CPLANE1: variants seen among roughly 807,000 people sequenced by gnomAD.
The protein encoded by CPLANE1 is ciliogenesis and planar polarity effector 1.
Under a neutral mutation model 362.5 loss-of-function variants are expected in CPLANE1, and 263 were observed. The observed-to-expected ratio is 0.73, with a 90% CI of 0.66 to 0.80. The LOEUF is 0.80. CPLANE1 is among the 30% of genes least tolerant of loss of function. CPLANE1 has a pLI of 0.00. For missense variants in CPLANE1, 3,461 were observed against 3,793.4 expected (o/e 0.91, Z 2.30); for synonymous variants, 1,212 against 1,302.6 (o/e 0.93, Z 1.50).
At chr5:37,192,811 G>A (rs563359318) in intron 21 of CPLANE1, among the ~76,000 whole-genome samples, 34 of 145,070 alleles carry the variant, frequency 2.3e-4, no homozygotes, top group East Asian at 6.1e-4. Context: ...AGCCGAGAGC[G>A]TGCCACTACA....
intron 16 of CPLANE1, chr5:37,210,204 G>T (rs1561615194): frequency 1.9e-6 from 3 of 1,541,328 alleles, no homozygotes; most frequent in Non-Finnish European, 2.7e-6. Context: ...TGAAACAAAA[G>T]AGATTTATGC....
At chr5:37,190,975 T>C (rs577767877) in intron 21 of CPLANE1, among the ~76,000 whole-genome samples, 1 of 152,310 alleles carries the variant, frequency 6.6e-6, no homozygotes, top group East Asian at 1.9e-4. Flanking sequence ...GCGTATACTC[T>C]TACTTATTAA....
intron 8 of CPLANE1, among the ~76,000 whole-genome samples, chr5:37,238,600 T>C (rs1042849170): frequency 6.8e-6 from 1 of 147,410 alleles, no homozygotes. Context: ...GTTCAGGTGA[T>C]ACCCCCTAGC....
At chr5:37,085,054 C>T in the CPLANE1 span, 1 of 688,324 alleles carries the variant, frequency 1.5e-6, no homozygotes, top group Non-Finnish European at 2.7e-6. Context: ...CCTAATGCAG[C>T]CATGGCTGGT....
At chr5:37,148,384 A>T (rs1195246018) in intron 42 of CPLANE1, 116 bp from the exon 43 acceptor site, 6 of 625,620 alleles carry the variant, frequency 9.6e-6, no homozygotes, top group Non-Finnish European at 1.6e-5. Context: ...AAAAAATGGG[A>T]TTAAATCCAA....
intron 34 of CPLANE1, among the ~76,000 whole-genome samples, chr5:37,167,550 G>A (rs1261663425): frequency 2.0e-5 from 3 of 152,196 alleles, no homozygotes; most frequent in South Asian, 2.1e-4. Flanking sequence ...AGGTCGAGAC[G>A]GGCTGATCAC....
chr5:37,108,418 C>T lies in CPLANE1; in HGVS notation c.9454G>A (p.Gly3152Arg), dbSNP rs144081297. 1.5e-3 allele frequency: 2,347 copies of T among 1,614,176 alleles called. 4 individuals are homozygous for T. The highest frequency in any genetic ancestry group is 1.8e-3 in the Non-Finnish European group (2,120 of 1,180,014). Residue 3152 changes from glycine to arginine, a missense_variant, in exon 52 of 53, where the codon GGG (glycine) becomes AGG (arginine). Around this residue, in one of 2 missense-constraint regions of CPLANE1, gnomAD observed 81 missense variants for 127.3 expected, o/e 0.64. Coordinates refer to ENST00000651892, the MANE Select transcript of CPLANE1 (RefSeq NM_001384732.1). ...ACCTGCTTGGTTTGAGGTGCAAGCCCAGCACTTCCATGTTTTTTTGTATGC... is the reference window on the plus strand; with the variant it reads ...ACCTGCTTGGTTTGAGGTGCAAGCCTAGCACTTCCATGTTTTTTTGTATGC... Reference protein sequence around the residue: ...LQHTKKHGSAGLAPQTKQVCV... With the variant: ...LQHTKKHGSARLAPQTKQVCV...
At chr5:37,100,737 T>C in the CPLANE1 span, among the ~76,000 whole-genome samples, 2 of 152,338 alleles carry the variant, frequency 1.3e-5, no homozygotes, top group South Asian at 4.1e-4. Context: ...TGATTCCTCC[T>C]ATCCATGAGC....
chr5:37,123,525 A>T (rs1212985793), intron 47 of CPLANE1, among the ~76,000 whole-genome samples: 2 of 152,366 alleles, frequency 1.3e-5, no homozygotes, highest in East Asian at 3.9e-4. Flanking sequence ...CTATAAACCA[A>T]GCAGTTCTTA....
At chr5:37,160,830 C>A (rs1178435009) in intron 38 of CPLANE1, among the ~76,000 whole-genome samples, 5 of 151,844 alleles carry the variant, frequency 3.3e-5, no homozygotes, top group Admixed American at 1.3e-4. Flanking sequence ...TGCCACCACA[C>A]CTGGCTAATT....
chr5:37,102,155 TC>T (rs1757322630), downstream of CPLANE1, among the ~76,000 whole-genome samples: 1 of 152,060 alleles, frequency 6.6e-6, no homozygotes, highest in African/African-American at 2.4e-5. Flanking sequence ...TGCTCTTGGT[TC>T]TCTAGTTTTT....
At position 37,167,190 on chromosome 5, in the gene CPLANE1, T is replaced by C; in HGVS notation, c.7257A>G (p.Pro2419=). 2 of 1,609,772 alleles carry C rather than the reference T, an allele frequency of 1.2e-6. No individual in the cohort carries two copies. The highest frequency in any genetic ancestry group is 1.7e-6 in the Non-Finnish European group (2 of 1,179,122). ...ENRCKKTQLI[P]LENLIAFKQS... The stretch of plus-strand genomic sequence containing the variant: ...GTTTAAACGCAATGAGGTTTTCAAG[T>C]GGGATAAGTTGTGTTTTTTTGCACT... The change falls in exon 35 of 53, where the codon CCA becomes CCG. Residue 2419 remains proline, a synonymous_variant. Coordinates refer to ENST00000651892, the MANE Select transcript of CPLANE1 (RefSeq NM_001384732.1).
intron 46 of CPLANE1, chr5:37,138,427 AT>A: frequency 4.2e-6 from 2 of 479,054 alleles, no homozygotes; most frequent in Admixed American, 2.7e-5. Context: ...CTAAGCGTTA[AT>A]TTTTGGGTAA....
chr5:37,157,557 C>T, intron 40 of CPLANE1, 113 bp downstream of exon 40: 3 of 1,130,450 alleles, frequency 2.7e-6, no homozygotes, highest in Non-Finnish European at 3.9e-6. Context: ...ATGTAAACAT[C>T]CAAAAATACA....
At chr5:37,104,989 C>A (rs1184569018), downstream of CPLANE1, among the ~76,000 whole-genome samples, 1 of 152,078 alleles carries the variant, frequency 6.6e-6, no homozygotes, top group Non-Finnish European at 1.5e-5. Context: ...AAAACACAGA[C>A]CAATAGAATA....
rs1783613494 is a variant in CPLANE1 at position 37,185,029 on chromosome 5, C to T, written c.4240G>A (p.Val1414Met). The T allele has an allele frequency of 1.9e-6, 3 of 1,613,994 alleles. No individual in the cohort carries two copies. Among genetic ancestry groups the T allele is most frequent in the Non-Finnish European group, 2.5e-6 (3 of 1,179,940 alleles). Residue 1414 changes from valine (V) to methionine (M), a missense_variant, in exon 25 of 53, where the codon GTG becomes ATG. Val to Met is a conservative substitution (Grantham distance 21). Coordinates refer to ENST00000651892, the MANE Select transcript of CPLANE1 (RefSeq NM_001384732.1). ...ACACGTTTTAGAGCTTTCACCCTCA[C>T]TTTCTGGATAGAATGCATGACAACA... ...MSVVMHSIQK[V>M]RVKALKRVQR...
At position 37,208,740 on chromosome 5, in the gene CPLANE1, G is replaced by A. The variant is rs189560581; in HGVS notation, c.2921-2315C>T. The stretch of plus-strand genomic sequence containing the variant: ...TTCACCTCCTCAGAGAGCTACTCCT[G>A]AAATTCCAATCTCAAATTGCCACTC... On this transcript the variant is annotated intron_variant, in intron 16 of 52. Transcript: ENST00000651892. Among the ~76,000 whole-genome samples the A allele has an allele frequency of 3.1e-3, 450 of 146,214 alleles. 3 individuals are homozygous for A. The highest frequency in any genetic ancestry group is 4.8e-3 in the Non-Finnish European group (322 of 67,348).
intron 41 of CPLANE1, among the ~76,000 whole-genome samples, chr5:37,154,667 C>G (rs150017784): frequency 3.3e-5 from 5 of 152,012 alleles, no homozygotes; most frequent in African/African-American, 7.2e-5. Flanking sequence ...ATTGCTCATA[C>G]TTCTTCTTCT....
Position 37,227,394 on chromosome 5 carries a change from T to C in CPLANE1, c.1372-2A>G, listed in dbSNP as rs886043786. Reference sequence around the variant, plus strand: ...CAAGTTCAGTCCTTTGCCTTTTGGCTAAAGAAGAAAAGATGAAAGATTTCC... The same window carrying C: ...CAAGTTCAGTCCTTTGCCTTTTGGCCAAAGAAGAAAAGATGAAAGATTTCC... On this transcript the variant is annotated splice_acceptor_variant, in intron 10 of 52. Coordinates refer to ENST00000651892, the MANE Select transcript of CPLANE1 (RefSeq NM_001384732.1). LOFTEE classifies it high-confidence loss of function. 1 of 1,520,848 alleles carries C rather than the reference T, an allele frequency of 6.6e-7. No homozygotes were observed. Among genetic ancestry groups the C allele is most frequent in the Non-Finnish European group, 8.8e-7 (1 of 1,134,766 alleles). The allele number at this position is 1,520,848 out of a possible 1,614,324, so 94.2% of individuals were successfully genotyped here.
Sources: allele counts gnomAD v4.1 joint callset (sites outside exome capture counted in the v4.1 genomes callset), GRCh38; gene constraint gnomAD v4.1.1; regional missense constraint gnomAD v4.1.1; transcripts MANE v1.5; gene names NCBI Gene and HGNC (gene_info 2026-07-23, HGNC 2026-07-21).